The following DIAPH2 variants were observed in gnomAD, a reference collection of about 807,000 sequenced individuals.
DIAPH2 encodes diaphanous related formin 2.
A neutral mutation model predicts 92.7 loss-of-function variants in DIAPH2; 35 were observed. The observed-to-expected ratio is 0.38, with a 90% confidence interval of 0.29 to 0.50. DIAPH2 has a LOEUF of 0.50. Among genes scored for constraint, DIAPH2 ranks in the 20% least tolerant of loss-of-function variants. The pLI, the probability that DIAPH2 is intolerant of heterozygous loss-of-function variation, is 0.94. For synonymous variants in DIAPH2, 301 were observed against 280.4 expected (o/e 1.07, Z -0.73); for missense variants, 701 against 819.5 (o/e 0.86, Z 1.77).
chrX:97,570,108 ATATATATATATATATT>A (rs1569426181), intron 26 of DIAPH2, among the ~76,000 whole-genome samples: 9 of 31,653 alleles, frequency 2.8e-4, no homozygotes, highest in East Asian at 1.5e-3. Flanking sequence ...ATATATATAT[ATATATATATATATATT>A]AGAAGATAGA....
At chrX:97,313,042 G>A (rs915236174) in intron 23 of DIAPH2, among the ~76,000 whole-genome samples, 2 of 110,183 alleles carry the variant, frequency 1.8e-5, no homozygotes, top group South Asian at 4.0e-4. Context: ...AAATTTAGCC[G>A]GGCGTGGTGG....
At chrX:96,734,077 C>T (rs939552085) in intron 1 of DIAPH2, among the ~76,000 whole-genome samples, 3 of 112,252 alleles carry the variant, frequency 2.7e-5, no homozygotes, top group Admixed American at 9.5e-5. Context: ...ATATTGCTAG[C>T]AATGCTTTTT....
intron 26 of DIAPH2, among the ~76,000 whole-genome samples, chrX:97,535,434 A>C (rs988236511): frequency 1.8e-5 from 2 of 111,941 alleles, no homozygotes; most frequent in Non-Finnish European, 3.8e-5. Context: ...TATACCATAA[A>C]ATGTTTTTTT....
intron 19 of DIAPH2, among the ~76,000 whole-genome samples, chrX:97,076,317 G>C (rs2066704065): frequency 9.0e-6 from 1 of 111,636 alleles, no homozygotes; most frequent in Non-Finnish European, 1.9e-5. Flanking sequence ...AGATCACGAG[G>C]TCAGGAGATC....
At chrX:97,551,491 G>C (rs2071218882) in intron 26 of DIAPH2, among the ~76,000 whole-genome samples, 1 of 109,016 alleles carries the variant, frequency 9.2e-6, no homozygotes, top group Non-Finnish European at 1.9e-5. Flanking sequence ...TCGGGAGATT[G>C]AGTTGGGAGA....
At chrX:96,805,371 T>G (rs917285438) in intron 4 of DIAPH2, among the ~76,000 whole-genome samples, 1 of 110,629 alleles carries the variant, frequency 9.0e-6, no homozygotes, top group Non-Finnish European at 1.9e-5. Flanking sequence ...ATGTGATACT[T>G]GAGCAAAGAT....
intron 25 of DIAPH2, among the ~76,000 whole-genome samples, chrX:97,409,414 C>T (rs2069844144): frequency 9.0e-6 from 1 of 111,435 alleles, no homozygotes; most frequent in Admixed American, 9.5e-5. Context: ...TCCAAGATGG[C>T]CAAATAGGAA....
intron 25 of DIAPH2, among the ~76,000 whole-genome samples, chrX:97,389,465 CAAA>C (rs1164301048): frequency 8.7e-5 from 3 of 34,524 alleles, no homozygotes; most frequent in Non-Finnish European, 1.7e-4. Context: ...GACTCTGTCT[CAAA>C]AAAAAAAAAA....
chrX:96,943,373 G>C (rs2065718216), intron 13 of DIAPH2, among the ~76,000 whole-genome samples: 1 of 111,116 alleles, frequency 9.0e-6, no homozygotes, highest in South Asian at 3.7e-4. Context: ...ATTGATTTCT[G>C]TAAGTGAGGG....
intron 17 of DIAPH2, among the ~76,000 whole-genome samples, chrX:96,987,422 A>G (rs376833148): frequency 4.5e-5 from 5 of 111,414 alleles, no homozygotes; most frequent in South Asian, 7.7e-4. Context: ...ACTCCATTAG[A>G]CCTATGACCC....
chrX:97,133,582 C>T lies in DIAPH2; in HGVS notation c.2590-8083C>T, dbSNP rs1419248622. ...GATTATAGGCGTGAGCCACTACGTCCGGCCAAGAGAACTGTTTTCTGTGCC... is the reference window on the plus strand; with the variant it reads ...GATTATAGGCGTGAGCCACTACGTCTGGCCAAGAGAACTGTTTTCTGTGCC... On this transcript the variant is annotated intron_variant, in intron 21 of 26. Coordinates refer to ENST00000324765, the MANE Select transcript of DIAPH2 (RefSeq NM_006729.5). 2.7e-5 allele frequency among the ~76,000 whole-genome samples: 3 copies of T among 112,186 alleles called. 1 individual carries two copies. Among genetic ancestry groups the T allele is most frequent in the Middle Eastern group, 8.4e-3 (2 of 237 alleles).
chrX:97,505,630 T>C (rs764115906), intron 26 of DIAPH2, among the ~76,000 whole-genome samples: 218 of 109,357 alleles, frequency 2.0e-3, no homozygotes, highest in African/African-American at 6.8e-3. Flanking sequence ...TGAAGCATAA[T>C]GCAGCAAATG....
intron 23 of DIAPH2, among the ~76,000 whole-genome samples, chrX:97,258,465 C>T (rs1042896301): frequency 2.7e-5 from 3 of 110,621 alleles, no homozygotes; most frequent in African/African-American, 9.8e-5. Flanking sequence ...CCCAGCTACT[C>T]GGGAGGCTGA....
At chrX:97,110,731 C>A (rs1177323377) in intron 20 of DIAPH2, among the ~76,000 whole-genome samples, 1 of 111,533 alleles carries the variant, frequency 9.0e-6, no homozygotes, top group Non-Finnish European at 1.9e-5. Flanking sequence ...TGCCTGTAAT[C>A]CCAGCACTTT....
chrX:96,970,295 CTCT>C (rs1173379992), intron 17 of DIAPH2, among the ~76,000 whole-genome samples: 1 of 111,212 alleles, frequency 9.0e-6, no homozygotes, highest in African/African-American at 3.3e-5. Flanking sequence ...TTGGTACCAG[CTCT>C]TCTTTCTATG....
intron 22 of DIAPH2, among the ~76,000 whole-genome samples, chrX:97,179,784 A>G (rs1234239961): frequency 1.8e-5 from 2 of 112,041 alleles, no homozygotes; most frequent in Non-Finnish European, 3.8e-5. Flanking sequence ...GGGAAGAAAA[A>G]GAGGTTTATT....
intron 22 of DIAPH2, among the ~76,000 whole-genome samples, chrX:97,196,219 TAC>T (rs59276561): frequency 0.15 from 15,564 of 104,628 alleles, 2,775 homozygotes; most frequent in African/African-American, 0.49. Flanking sequence ...CACACATACA[TAC>T]ACACACACAC....
At chrX:97,402,020 C>G (rs2069762581) in intron 25 of DIAPH2, among the ~76,000 whole-genome samples, 1 of 112,682 alleles carries the variant, frequency 8.9e-6, no homozygotes, top group African/African-American at 3.2e-5. Flanking sequence ...CAGTATCAGT[C>G]AGAATCAAGT....
At chrX:97,055,272 A>G (rs900066157) in intron 17 of DIAPH2, among the ~76,000 whole-genome samples, 2 of 110,773 alleles carry the variant, frequency 1.8e-5, no homozygotes, top group African/African-American at 6.6e-5. Flanking sequence ...TTATAACTGT[A>G]GAATAAGTGA....
Sources: allele counts gnomAD v4.1 joint callset (sites outside exome capture counted in the v4.1 genomes callset), GRCh38; gene constraint gnomAD v4.1.1; transcripts MANE v1.5; gene names NCBI Gene and HGNC (gene_info 2026-07-23, HGNC 2026-07-21).